The following CLIP2 variants were observed in gnomAD, a reference collection of about 807,000 sequenced individuals.
CLIP2 encodes CAP-Gly domain containing linker protein 2.
CLIP2 carries 41 observed loss-of-function variants against 111.7 expected under a neutral mutation model. The ratio of observed to expected loss-of-function variants is 0.37; its 90% CI spans 0.29 to 0.48. The LOEUF (loss-of-function observed/expected upper bound fraction) is 0.48. CLIP2 is among the 20% of genes least tolerant of loss of function. The pLI, the probability that CLIP2 is intolerant of heterozygous loss-of-function variation, is 0.99. For synonymous variants in CLIP2, 660 were observed against 644.2 expected (o/e 1.02, Z -0.37); for missense variants, 1,160 against 1,422.1 (o/e 0.82, Z 2.96).
At chr7:74,293,952 TG>T (rs1382871734) in intron 1 of CLIP2, among the ~76,000 whole-genome samples, 19 of 151,884 alleles carry the variant, frequency 1.3e-4, no homozygotes, top group Non-Finnish European at 2.6e-4. Context: ...GTTTCGCTCT[TG>T]TTGCCCAGGC....
chr7:74,306,919 C>T (rs1788505954), intron 1 of CLIP2, among the ~76,000 whole-genome samples: 1 of 152,174 alleles, frequency 6.6e-6, no homozygotes, highest in South Asian at 2.1e-4. Context: ...TGGGACTGCC[C>T]CAGGCTTCCC....
At chr7:74,311,293 T>C (rs1788635498) in intron 1 of CLIP2, among the ~76,000 whole-genome samples, 1 of 152,206 alleles carries the variant, frequency 6.6e-6, no homozygotes, top group Non-Finnish European at 1.5e-5. Flanking sequence ...TTTTTAACTT[T>C]TTAAGAAACT....
intron 1 of CLIP2, among the ~76,000 whole-genome samples, chr7:74,294,270 G>A (rs1788110047): frequency 6.6e-6 from 1 of 152,208 alleles, no homozygotes; most frequent in Non-Finnish European, 1.5e-5. Context: ...GGGCTGCAAG[G>A]CTAGGGCCGT....
rs557645440 is a variant in CLIP2, at chr7:74,402,140, C to T, written c.3129+573C>T. ...CAGGAGATCAAGACCATCCTGGCTA[C>T]CACGGTGAAACCCCATCTCTACTAA... On this transcript the variant is annotated intron_variant, in intron 16 of 16. Transcript: ENST00000223398. Among the ~76,000 whole-genome samples the T allele has an allele frequency of 3.3e-5, 5 of 151,766 alleles. No homozygotes were observed. In the South Asian group the frequency reaches 1.0e-3, roughly 32 times the overall value.
chr7:74,362,243 C>T (rs1554309910), intron 7 of CLIP2, among the ~76,000 whole-genome samples: 1 of 152,142 alleles, frequency 6.6e-6, no homozygotes, highest in African/African-American at 2.4e-5. Flanking sequence ...CAGAGGTTTG[C>T]CTTGGCCTGG....
intron 7 of CLIP2, among the ~76,000 whole-genome samples, chr7:74,361,686 T>A (rs2116620112): frequency 6.6e-6 from 1 of 152,166 alleles, no homozygotes; most frequent in East Asian, 1.9e-4. Flanking sequence ...CCCAGCTAAT[T>A]TTTTGTATCC....
At chr7:74,335,804 G>A (rs554654) in intron 2 of CLIP2, among the ~76,000 whole-genome samples, 90,978 of 147,724 alleles carry the variant, frequency 0.62, 29,836 homozygotes, top group Middle Eastern at 0.75. Context: ...GTGCAGTGAC[G>A]CGATCTCGGC....
chr7:74,364,427 C>T, intron 8 of CLIP2, 112 bp downstream of exon 8: 1 of 902,354 alleles, frequency 1.1e-6, no homozygotes, highest in Non-Finnish European at 1.7e-6. Flanking sequence ...GGGGAAGGGG[C>T]TGGGGGGGAA....
chr7:74,377,442 C>T (rs1430262722), intron 10 of CLIP2, among the ~76,000 whole-genome samples: 4 of 152,238 alleles, frequency 2.6e-5, no homozygotes, highest in East Asian at 3.9e-4. Flanking sequence ...CCTTAAGCAT[C>T]TACCCCTTCT....
intron 4 of CLIP2, among the ~76,000 whole-genome samples, chr7:74,354,573 C>T (rs1181554620): frequency 6.6e-6 from 1 of 152,068 alleles, no homozygotes; most frequent in Non-Finnish European, 1.5e-5. Context: ...CAAGATCGCA[C>T]CACTGCACTC....
At chr7:74,325,568 A>G (rs1789085340) in intron 2 of CLIP2, among the ~76,000 whole-genome samples, 2 of 152,240 alleles carry the variant, frequency 1.3e-5, no homozygotes, top group Admixed American at 1.3e-4. Context: ...ATGGTGGCTC[A>G]CGCCTGTAAT....
chr7:74,298,936 G>A lies in CLIP2; in HGVS notation c.-68+9202G>A, dbSNP rs1172110400. Among the ~76,000 whole-genome samples, 4 of 152,212 alleles carry A rather than the reference G, an allele frequency of 2.6e-5. 1 individual carries two copies. Among genetic ancestry groups the A allele is most frequent in the Admixed American group, 2.0e-4 (3 of 15,270 alleles). ...GCATGGCACGTGCAAAAGCCTGGACGTGTGACCTAGTGGATATGAATGTGG... is the reference window on the plus strand; with the variant it reads ...GCATGGCACGTGCAAAAGCCTGGACATGTGACCTAGTGGATATGAATGTGG... On this transcript the variant is annotated intron_variant, in intron 1 of 16. Transcript: ENST00000223398.
At chr7:74,340,093 C>CAATAAT (rs374889797) in intron 3 of CLIP2, among the ~76,000 whole-genome samples, 3 of 150,630 alleles carry the variant, frequency 2.0e-5, no homozygotes, top group Non-Finnish European at 4.4e-5. Context: ...GACCCTGTTT[C>CAATAAT]AATAATAATA....
chr7:74,371,198 C>T (rs989854896), intron 8 of CLIP2, among the ~76,000 whole-genome samples: 5 of 147,604 alleles, frequency 3.4e-5, no homozygotes, highest in South Asian at 2.1e-4. Context: ...GAGCCGAGAT[C>T]GCGCCACTGC....
chr7:74,311,891 G>A (rs928564609), intron 1 of CLIP2, among the ~76,000 whole-genome samples: 8 of 148,378 alleles, frequency 5.4e-5, no homozygotes, highest in Non-Finnish European at 8.9e-5. Context: ...CAGCCTGGGC[G>A]ATAGAGCAAG....
chr7:74,353,864 C>T lies in CLIP2; in HGVS notation c.679-16C>T. ...CACTGCATCCTCTAGACCTGAGTCT[C>T]CCTGTGTGCCGACAGGTTGGCGGGA... On this transcript the variant is annotated splice_polypyrimidine_tract_variant and intron_variant, in intron 3 of 16. Coordinates refer to ENST00000223398, the MANE Select transcript of CLIP2 (RefSeq NM_003388.5). 1 of 1,614,120 alleles carries T rather than the reference C, an allele frequency of 6.2e-7. No homozygotes were observed. The highest frequency in any genetic ancestry group is 8.5e-7 in the Non-Finnish European group (1 of 1,180,000).
At chr7:74,359,971 G>C (rs1790278453) in intron 6 of CLIP2, among the ~76,000 whole-genome samples, 2 of 152,158 alleles carry the variant, frequency 1.3e-5, no homozygotes, top group South Asian at 4.1e-4. Context: ...TGGGCCTAAG[G>C]GTCCTGCCTC....
intron 6 of CLIP2, among the ~76,000 whole-genome samples, chr7:74,359,593 G>C (rs1790265727): frequency 1.3e-5 from 2 of 152,060 alleles, no homozygotes; most frequent in African/African-American, 4.8e-5. Context: ...CTGACCTTGT[G>C]ATCCGCCCGC....
intron 16 of CLIP2, among the ~76,000 whole-genome samples, chr7:74,402,335 A>C (rs1791645685): frequency 6.7e-6 from 1 of 149,622 alleles, no homozygotes; most frequent in Non-Finnish European, 1.5e-5. Flanking sequence ...ATCTCAAAAA[A>C]AAAAAAAACC....
Sources: allele counts gnomAD v4.1 joint callset (sites outside exome capture counted in the v4.1 genomes callset), GRCh38; gene constraint gnomAD v4.1.1; transcripts MANE v1.5; gene names NCBI Gene and HGNC (gene_info 2026-07-23, HGNC 2026-07-21).